DNAH7: variants seen among roughly 807,000 people sequenced by gnomAD.
The protein encoded by DNAH7 is dynein axonemal heavy chain 7, also known as axonemal beta dynein heavy chain 7.
Under a neutral mutation model 444.6 loss-of-function variants are expected in DNAH7, and 397 were observed. The observed-to-expected ratio is 0.89, with a 90% CI of 0.82 to 0.97. The LOEUF is 0.97. Ranked by LOEUF, DNAH7 falls within the 50% of genes least tolerant of loss-of-function variation. The pLI, the probability that DNAH7 is intolerant of heterozygous loss-of-function variation, is 0.00. For synonymous variants in DNAH7, 1,636 were observed against 1,624.4 expected, an observed-to-expected ratio of 1.01 and a Z score of -0.17; for missense variants, 4,902 against 4,800.8, an observed-to-expected ratio of 1.02 and a Z score of -0.62.
At chr2:195,832,445 T>TC (rs1308514898) in intron 48 of DNAH7, among the ~76,000 whole-genome samples, 1 of 141,766 alleles carries the variant, frequency 7.1e-6, no homozygotes, top group Non-Finnish European at 1.5e-5. Context: ...TCTTTCTTTC[T>TC]TTTTTTTTTT....
intron 21 of DNAH7, among the ~76,000 whole-genome samples, chr2:195,928,247 C>T (rs1043527348): frequency 2.7e-4 from 41 of 152,278 alleles, no homozygotes; most frequent in African/African-American, 9.6e-4. Context: ...CTACAAAGGA[C>T]ATGATTCCAT....
chr2:195,989,828 T>C (rs1693181159), intron 12 of DNAH7, among the ~76,000 whole-genome samples: 1 of 152,194 alleles, frequency 6.6e-6, no homozygotes, highest in Non-Finnish European at 1.5e-5. Flanking sequence ...ACCTGTTCCC[T>C]CTTCACTTTC....
At chr2:195,963,101 T>C (rs1209062381) in intron 17 of DNAH7, among the ~76,000 whole-genome samples, 4 of 152,226 alleles carry the variant, frequency 2.6e-5, no homozygotes, top group African/African-American at 9.6e-5. Context: ...CTTTGATATC[T>C]TGACTTCCTT....
Position 195,960,776 on chromosome 2 carries a change from T to G in DNAH7, c.2375A>C (p.Asn792Thr). 6.2e-7 allele frequency: 1 copy of G among 1,614,162 alleles called. No individual in the cohort carries two copies. The highest frequency in any genetic ancestry group is 1.7e-5 in the Admixed American group (1 of 60,032). ...AATATCTGCTTCTACTTGGTCTGGA[T>G]TCACTTTATGATATGGCCCTTCTGT... ...AWTEGPYHKVNPDQVEADIGN... is the reference protein window; with the variant it reads ...AWTEGPYHKVTPDQVEADIGN... Residue 792 changes from asparagine to threonine, a missense_variant, in exon 18 of 65, where the codon AAT (asparagine) becomes ACT (threonine). Asn to Thr is a moderately conservative substitution (Grantham distance 65, BLOSUM62 0). Coordinates refer to ENST00000312428, the MANE Select transcript of DNAH7 (RefSeq NM_018897.3).
intron 21 of DNAH7, among the ~76,000 whole-genome samples, chr2:195,932,701 G>A (rs990929521): frequency 6.6e-6 from 1 of 152,104 alleles, no homozygotes; most frequent in African/African-American, 2.4e-5. Context: ...CGTTGGTTCT[G>A]TTTATATGCT....
chr2:195,992,581 C>T (rs1391418293), intron 12 of DNAH7, among the ~76,000 whole-genome samples: 1 of 152,196 alleles, frequency 6.6e-6, no homozygotes, highest in Admixed American at 6.5e-5. Context: ...TGAGTGCCTA[C>T]TGTGTGCCTG....
At chr2:195,836,932 C>A (rs975339017) in intron 47 of DNAH7, among the ~76,000 whole-genome samples, 1 of 152,174 alleles carries the variant, frequency 6.6e-6, no homozygotes, top group African/African-American at 2.4e-5. Flanking sequence ...AAGTCCTACT[C>A]ATGTTTGAAC....
intron 23 of DNAH7, among the ~76,000 whole-genome samples, chr2:195,923,263 G>A (rs1351598356): frequency 1.3e-5 from 2 of 152,040 alleles, no homozygotes; most frequent in African/African-American, 4.8e-5. Flanking sequence ...AAACTGACTA[G>A]TCCCAACATT....
chr2:195,907,128 C>T (rs534193519), intron 25 of DNAH7, 119 bp from the exon 26 acceptor site: 20 of 709,746 alleles, frequency 2.8e-5, no homozygotes, highest in East Asian at 1.7e-4. Context: ...ATTGCTTATT[C>T]GCCTTTATCT....
intron 45 of DNAH7, among the ~76,000 whole-genome samples, chr2:195,855,498 A>ATTTT (rs200840026): frequency 6.9e-6 from 1 of 145,716 alleles, no homozygotes; most frequent in African/African-American, 2.5e-5. Context: ...ACAGACTGAC[A>ATTTT]TTTTTTTTTT....
At chr2:196,068,033 GAGAA>G (rs1224123732) in intron 1 of DNAH7, among the ~76,000 whole-genome samples, 2 of 151,964 alleles carry the variant, frequency 1.3e-5, no homozygotes, top group Non-Finnish European at 2.9e-5. Flanking sequence ...AGAAAAAGGA[GAGAA>G]AGACAGAAAG....
intron 63 of DNAH7, among the ~76,000 whole-genome samples, chr2:195,748,747 A>G (rs1483485432): frequency 6.6e-6 from 1 of 152,244 alleles, no homozygotes; most frequent in African/African-American, 2.4e-5. Context: ...AGGATTCCCT[A>G]TTTAATAAAT....
In DNAH7 at chr2:195,856,073, C is replaced by A. The variant is rs182811540; in HGVS notation, c.8415-82G>T. On this transcript the variant is annotated intron_variant, in intron 44 of 64. Transcript: ENST00000312428. The stretch of plus-strand genomic sequence containing the variant: ...TATCACTGAATTTACTTTTCTAATA[C>A]CCTTACTATAACTGAAAACACTTCT... 355 of 1,290,920 alleles carry A rather than the reference C, an allele frequency of 2.7e-4. 1 individual carries two copies. In the African/African-American group the frequency reaches 4.7e-3, roughly 17 times the overall value. 80.0% of individuals were successfully genotyped at this position (1,290,920 alleles called of 1,614,324 possible).
intron 8 of DNAH7, among the ~76,000 whole-genome samples, chr2:196,021,071 C>T (rs1695350443): frequency 6.6e-6 from 1 of 152,078 alleles, no homozygotes; most frequent in Non-Finnish European, 1.5e-5. Context: ...TTCTATATTT[C>T]CATCCATGTA....
rs371272921 is a variant in DNAH7 at position 196,000,880 on chromosome 2, A to C, written c.1177T>G (p.Ser393Ala). Reference sequence around the variant, plus strand: ...CCTGGATGTTCAAAAGCTCTAACAGAATCCTGCAAAAAATTAAAAAATTTA... The same window carrying C: ...CCTGGATGTTCAAAAGCTCTAACAGCATCCTGCAAAAAATTAAAAAATTTA... ...FTDLIAQPPD[S>A]VRAFEHPGFI... Residue 393 changes from serine to alanine, a missense_variant, in exon 12 of 65, where the codon TCT becomes GCT. By Grantham distance (99) the Ser-to-Ala change is moderately conservative. Transcript: ENST00000312428. The C allele has an allele frequency of 6.4e-7, 1 of 1,559,986 alleles. No homozygotes were observed. The highest frequency in any genetic ancestry group is 8.6e-7 in the Non-Finnish European group (1 of 1,158,048).
intron 47 of DNAH7, among the ~76,000 whole-genome samples, chr2:195,842,441 C>A (rs1305220016): frequency 5.9e-5 from 9 of 152,016 alleles, no homozygotes; most frequent in Admixed American, 5.9e-4. Context: ...CGTTGTCAAG[C>A]AAGAGTTTCT....
intron 17 of DNAH7, among the ~76,000 whole-genome samples, chr2:195,966,197 T>G (rs1343250313): frequency 6.6e-6 from 1 of 152,174 alleles, no homozygotes; most frequent in African/African-American, 2.4e-5. Context: ...CCTCTTAATT[T>G]TTTCATTGAC....
intron 24 of DNAH7, among the ~76,000 whole-genome samples, chr2:195,919,469 T>TGAGTAGCTGGGACTACAGATGCACACCA (rs1687891938): frequency 1.3e-5 from 2 of 151,984 alleles, no homozygotes; most frequent in African/African-American, 4.8e-5. Flanking sequence ...CTCAGCCTCC[T>TGAGTAGCTGGGACTACAGATGCACACCA]GAGTAGCTGG....
chr2:196,001,461 C>T (rs990902546), intron 11 of DNAH7, among the ~76,000 whole-genome samples: 12 of 151,720 alleles, frequency 7.9e-5, no homozygotes, highest in Non-Finnish European at 1.5e-4. Context: ...AACTCCTGGA[C>T]GCAAGTGCTC....
Sources: gnomAD v4.1 joint callset for allele counts (sites outside exome capture counted in the v4.1 genomes callset) on GRCh38, gnomAD v4.1.1 for gene constraint, MANE v1.5 for transcripts, NCBI Gene and HGNC (gene_info 2026-07-23, HGNC 2026-07-21) for gene names.